The following GALK2 variants were observed in gnomAD, a reference collection of about 807,000 sequenced individuals.
GALK2 encodes N-acetylgalactosamine kinase.
A neutral mutation model predicts 52.4 loss-of-function variants in GALK2; 36 were observed. That is an observed-to-expected ratio of 0.69 (90% CI 0.53 to 0.91). GALK2 has a LOEUF of 0.91. Ranked by LOEUF, GALK2 falls within the 40% of genes least tolerant of loss-of-function variation. The probability of loss-of-function intolerance (pLI) is 0.00; values close to 1 mark genes in which losing one functional copy is unlikely to be tolerated. For synonymous variants in GALK2, 176 were observed against 199.1 expected (o/e 0.88, Z 0.98); for missense variants, 579 against 559.1 (o/e 1.04, Z -0.36).
Position 49,201,231 on chromosome 15 carries a change from A to T in GALK2, c.123A>T (p.Pro41=). ...GSIPKFYVRA[P]GRVNIIGEHI... ...TTCCCAAGTTTTATGTTCGAGCACC[A>T]GGAAGAGTCAACATAATAGGTATTT... The change falls in exon 2 of 10, where the codon CCA becomes CCT. Residue 41 remains proline (P), a synonymous_variant. Transcript: ENST00000560031. 1 of 1,605,146 alleles carries T rather than the reference A, an allele frequency of 6.2e-7. No homozygotes were observed. Among genetic ancestry groups the T allele is most frequent in the African/African-American group, 1.3e-5 (1 of 74,856 alleles).
chr15:49,322,874 G>A (rs950662404), intron 9 of GALK2, among the ~76,000 whole-genome samples: 10 of 150,936 alleles, frequency 6.6e-5, no homozygotes, highest in African/African-American at 2.4e-4. Context: ...GGAGAATGGC[G>A]TGAACCCGGG....
chr15:49,260,375 T>G (rs570656016), intron 5 of GALK2, among the ~76,000 whole-genome samples: 256 of 151,792 alleles, frequency 1.7e-3, no homozygotes, highest in African/African-American at 6.0e-3. Flanking sequence ...TTTTGAGAAG[T>G]GTCTGTTCAT....
chr15:49,264,123 C>G (rs940617428), intron 5 of GALK2, among the ~76,000 whole-genome samples: 2 of 151,634 alleles, frequency 1.3e-5, no homozygotes, highest in African/African-American at 4.8e-5. Context: ...GCCTGCCTTG[C>G]TAGATTGGGG....
At chr15:49,335,460 C>G, downstream of GALK2, 2 of 1,613,568 alleles carry the variant, frequency 1.2e-6, no homozygotes, top group Non-Finnish European at 1.7e-6. Context: ...GTCTTTTTGC[C>G]TCCTTTATAA....
At chr15:49,179,975 A>G (rs987761901) in intron 1 of GALK2, among the ~76,000 whole-genome samples, 1 of 152,174 alleles carries the variant, frequency 6.6e-6, no homozygotes, top group Non-Finnish European at 1.5e-5. Context: ...CTGTTCTTAG[A>G]GAAAAATGCC....
chr15:49,213,140 T>C (rs1041222789), intron 2 of GALK2, among the ~76,000 whole-genome samples: 6 of 152,342 alleles, frequency 3.9e-5, no homozygotes, highest in African/African-American at 1.4e-4. Context: ...TTTTTAGTTT[T>C]AATAATATTT....
intron 2 of GALK2, among the ~76,000 whole-genome samples, chr15:49,209,169 T>A (rs1043197252): frequency 4.6e-5 from 7 of 152,208 alleles, no homozygotes; most frequent in Non-Finnish European, 2.9e-5. Flanking sequence ...AAACACTAGC[T>A]ATTTTTAATA....
At chr15:49,339,411 G>T (rs1288538682) in intron 3 of GALK2, among the ~76,000 whole-genome samples, 1 of 152,136 alleles carries the variant, frequency 6.6e-6, no homozygotes. Context: ...GTCTGCTGTA[G>T]GTCCGCCCCA....
intron 5 of GALK2, among the ~76,000 whole-genome samples, chr15:49,266,174 G>T (rs554623944): frequency 6.6e-6 from 1 of 152,240 alleles, no homozygotes; most frequent in Non-Finnish European, 1.5e-5. Flanking sequence ...GGCTAGTCCA[G>T]GCTTGTCCAA....
At chr15:49,353,886 G>C (rs1053172030) in intron 3 of GALK2, 4 of 152,100 alleles carry the variant, frequency 2.6e-5, no homozygotes, top group African/African-American at 7.2e-5. Flanking sequence ...GACTTGAAAT[G>C]AAAAATACAA....
rs533178215 is a variant in GALK2 at position 49,196,137 on chromosome 15, A to C, written c.54-5025A>C. Among the ~76,000 whole-genome samples, 10 of 151,548 alleles carry C rather than the reference A, an allele frequency of 6.6e-5. No homozygotes were observed. In the South Asian group the frequency reaches 1.3e-3, roughly 19 times the overall value. On this transcript the variant is annotated intron_variant, in intron 1 of 9. Coordinates refer to ENST00000560031, the MANE Select transcript of GALK2 (RefSeq NM_002044.4). ...GAATTTTTAGGTCTGCTGTTTTTCTACTCCCCATATCATTACTTTCTGTTC... is the reference window on the plus strand; with the variant it reads ...GAATTTTTAGGTCTGCTGTTTTTCTCCTCCCCATATCATTACTTTCTGTTC...
chr15:49,178,353 T>C (rs1403151673), intron 1 of GALK2: 3 of 133,052 alleles, frequency 2.3e-5, no homozygotes, highest in Non-Finnish European at 4.7e-5. Context: ...TACATGTATA[T>C]CATGTATACA....
chr15:49,322,938 CAG>C (rs1223831059), intron 9 of GALK2, among the ~76,000 whole-genome samples: 1 of 112,688 alleles, frequency 8.9e-6, no homozygotes, highest in African/African-American at 3.5e-5. Flanking sequence ...GCCTGTGGGA[CAG>C]AGCAAGACTC....
At position 49,365,733 on chromosome 15, in the gene GALK2, T is replaced by C. The variant is rs902368568; in HGVS notation, c.427-1758T>C. 12 of 885,252 alleles carry C rather than the reference T, an allele frequency of 1.4e-5. No individual in the cohort carries two copies. The East Asian group carries it at 2.9e-4, about 21-fold the overall frequency. The allele number at this position is 885,252 out of a possible 1,614,324, so 54.8% of individuals were successfully genotyped here. ...GACAGAAAGCAATCTCCAAGATATC[T>C]TGTAAAATCCAAGCCCACCTGTCTT... is the stretch of plus-strand genomic sequence containing the variant. On this transcript the variant is annotated intron_variant, in intron 3 of 3. Transcript: ENST00000558399.
intron 5 of GALK2, among the ~76,000 whole-genome samples, chr15:49,242,119 A>G (rs1251212494): frequency 6.6e-6 from 1 of 152,178 alleles, no homozygotes; most frequent in African/African-American, 2.4e-5. Context: ...TACTCTTGTA[A>G]AAATCACAGA....
intron 2 of GALK2, among the ~76,000 whole-genome samples, chr15:49,211,436 C>A (rs1258456495): frequency 6.6e-6 from 1 of 152,072 alleles, no homozygotes; most frequent in Non-Finnish European, 1.5e-5. Context: ...TTTTCTGAGC[C>A]CTCCAAACTG....
intron 3 of GALK2, among the ~76,000 whole-genome samples, chr15:49,355,173 A>C (rs1308269941): frequency 2.0e-5 from 3 of 152,216 alleles, no homozygotes; most frequent in East Asian, 3.9e-4. Flanking sequence ...AACTCTAAAA[A>C]GCAGAGCGCC....
At chr15:49,363,000 G>A (rs752934221) in intron 3 of GALK2, among the ~76,000 whole-genome samples, 1 of 152,144 alleles carries the variant, frequency 6.6e-6, no homozygotes, top group South Asian at 2.1e-4. Flanking sequence ...TTTCATATCA[G>A]TGCCATGCTG....
chr15:49,160,474 C>G (rs2084613506), intron 1 of GALK2, among the ~76,000 whole-genome samples: 1 of 152,020 alleles, frequency 6.6e-6, no homozygotes, highest in Non-Finnish European at 1.5e-5. Context: ...ATACTTGTAA[C>G]TTTACAACAA....
Sources: allele counts gnomAD v4.1 joint callset (sites outside exome capture counted in the v4.1 genomes callset), GRCh38; gene constraint gnomAD v4.1.1; transcripts MANE v1.5; gene names NCBI Gene and HGNC (gene_info 2026-07-23, HGNC 2026-07-21).